The following PHLPP1 variants were observed in gnomAD, a reference collection of about 807,000 sequenced individuals.
PHLPP1 encodes the protein PH domain and leucine rich repeat protein phosphatase 1, also known as PH domain leucine-rich repeat-containing protein phosphatase 1.
PHLPP1 carries 42 observed loss-of-function variants against 117.2 expected under a neutral mutation model. That is an observed-to-expected ratio of 0.36 (90% confidence interval 0.28 to 0.46). PHLPP1 has a LOEUF of 0.46. PHLPP1 is among the 20% of genes least tolerant of loss of function. The probability of loss-of-function intolerance (pLI) is 1.00; values close to 1 mark genes in which losing one functional copy is unlikely to be tolerated. For synonymous variants in PHLPP1, 1,042 were observed against 970.7 expected (o/e 1.07, Z -1.37); for missense variants, 2,084 against 2,241.9 (o/e 0.93, Z 1.42).
At chr18:62,820,603 C>T (rs529936152) in intron 1 of PHLPP1, among the ~76,000 whole-genome samples, 7 of 152,304 alleles carry the variant, frequency 4.6e-5, no homozygotes, top group Admixed American at 6.5e-5. Context: ...CATCCCCCTT[C>T]GCTCAGCACT....
chr18:62,758,838 A>G (rs567577486), intron 1 of PHLPP1, among the ~76,000 whole-genome samples: 1 of 152,344 alleles, frequency 6.6e-6, no homozygotes, highest in South Asian at 2.1e-4. Context: ...ATAATGAACC[A>G]AATGCAAATT....
At chr18:62,864,774 A>G (rs1915730303) in intron 4 of PHLPP1, among the ~76,000 whole-genome samples, 1 of 152,188 alleles carries the variant, frequency 6.6e-6, no homozygotes, top group South Asian at 2.1e-4. Context: ...GGATTTTTAC[A>G]TTACCCATCC....
chr18:62,794,464 T>TCTAGTGA (rs1555672679), intron 1 of PHLPP1, among the ~76,000 whole-genome samples: 1 of 152,062 alleles, frequency 6.6e-6, no homozygotes, highest in African/African-American at 2.4e-5. Flanking sequence ...ATTCCCTGAC[T>TCTAGTGA]CTAGTGATCC....
chr18:62,761,667 TAAAA>T (rs879729374), intron 1 of PHLPP1, among the ~76,000 whole-genome samples: 4 of 133,988 alleles, frequency 3.0e-5, no homozygotes, highest in African/African-American at 8.2e-5. Flanking sequence ...AAATAAAAAA[TAAAA>T]AAAAAAAGAA....
intron 3 of PHLPP1, among the ~76,000 whole-genome samples, chr18:62,844,682 C>G (rs987792816): frequency 6.6e-6 from 1 of 152,168 alleles, no homozygotes; most frequent in African/African-American, 2.4e-5. Flanking sequence ...CTTTTTACAA[C>G]ACCATTATCT....
At position 62,768,395 on chromosome 18, in the gene PHLPP1, T is replaced by A. The variant is rs1281248545; in HGVS notation, c.1576+51136T>A. Among the ~76,000 whole-genome samples the A allele has an allele frequency of 4.6e-5, 7 of 152,194 alleles. No individual in the cohort carries two copies. The East Asian group carries it at 1.3e-3, about 29-fold the overall frequency. ...GCAGGAAGTACAGCATGAACTTTTA[T>A]TGAAAACAGCTCAACAGTGATATCA... On this transcript the variant is annotated intron_variant, in intron 1 of 16. Coordinates refer to ENST00000262719, the MANE Select transcript of PHLPP1 (RefSeq NM_194449.4).
chr18:62,789,533 C>G (rs1372175625), intron 1 of PHLPP1, among the ~76,000 whole-genome samples: 1 of 152,022 alleles, frequency 6.6e-6, no homozygotes, highest in Non-Finnish European at 1.5e-5. Flanking sequence ...ATACCTTGTT[C>G]TCTGCCTCAA....
At chr18:62,816,055 T>G (rs937330168) in intron 1 of PHLPP1, among the ~76,000 whole-genome samples, 2 of 152,234 alleles carry the variant, frequency 1.3e-5, no homozygotes, top group Admixed American at 6.5e-5. Context: ...ACCAGTTTCC[T>G]TTTGTTGAAT....
At chr18:62,860,651 G>T in intron 4 of PHLPP1, 50 bp downstream of exon 4, 1 of 1,428,896 alleles carries the variant, frequency 7.0e-7, no homozygotes, top group Non-Finnish European at 9.7e-7. Context: ...GGGGCAGAAT[G>T]AACTTCTGCT....
intron 10 of PHLPP1, among the ~76,000 whole-genome samples, chr18:62,925,449 T>C (rs1909599928): frequency 6.6e-6 from 1 of 152,146 alleles, no homozygotes; most frequent in Non-Finnish European, 1.5e-5. Flanking sequence ...TTTGTGGTAA[T>C]TGCTCATGTG....
intron 1 of PHLPP1, among the ~76,000 whole-genome samples, chr18:62,730,977 C>G (rs1911209883): frequency 1.3e-5 from 2 of 152,136 alleles, no homozygotes; most frequent in African/African-American, 4.8e-5. Flanking sequence ...ATGGGATCTA[C>G]TGTTGTTGGG....
intron 1 of PHLPP1, among the ~76,000 whole-genome samples, chr18:62,718,406 CAATTT>C (rs1304758945): frequency 6.6e-6 from 1 of 152,156 alleles, no homozygotes. Flanking sequence ...GTCCCAGTGG[CAATTT>C]AATTAGTTTG....
intron 12 of PHLPP1, among the ~76,000 whole-genome samples, chr18:62,957,636 T>G (rs762227763): frequency 3.3e-5 from 5 of 152,168 alleles, no homozygotes; most frequent in African/African-American, 4.8e-5. Flanking sequence ...GTTTTGTTTT[T>G]TTTGAGACAG....
intron 15 of PHLPP1, among the ~76,000 whole-genome samples, chr18:62,974,483 G>A (rs569593319): frequency 1.3e-5 from 2 of 152,228 alleles, no homozygotes; most frequent in South Asian, 4.2e-4. Context: ...CTTGTAAAAC[G>A]GGAGGCTGTT....
intron 12 of PHLPP1, among the ~76,000 whole-genome samples, chr18:62,946,878 C>T (rs940375213): frequency 1.3e-5 from 2 of 151,952 alleles, no homozygotes; most frequent in African/African-American, 4.8e-5. Flanking sequence ...ACGGTGAAAC[C>T]CTGTCTCTAC....
At chr18:62,876,719 G>A (rs1360977704) in intron 4 of PHLPP1, among the ~76,000 whole-genome samples, 2 of 152,172 alleles carry the variant, frequency 1.3e-5, no homozygotes, top group African/African-American at 4.8e-5. Context: ...AATGATTATT[G>A]ATCAACCACA....
chr18:62,904,605 G>A (rs1916801371), intron 7 of PHLPP1, among the ~76,000 whole-genome samples: 1 of 152,204 alleles, frequency 6.6e-6, no homozygotes, highest in Non-Finnish European at 1.5e-5. Flanking sequence ...GAGAGTGCTA[G>A]TACCAAAGGT....
intron 3 of PHLPP1, among the ~76,000 whole-genome samples, chr18:62,845,462 A>G (rs1030298887): frequency 2.0e-5 from 3 of 152,146 alleles, no homozygotes; most frequent in Admixed American, 6.5e-5. Context: ...AGTAAGACAC[A>G]TGGTGAATCA....
At chr18:62,960,755 G>A (rs542205911) in intron 13 of PHLPP1, among the ~76,000 whole-genome samples, 2 of 152,268 alleles carry the variant, frequency 1.3e-5, no homozygotes, top group South Asian at 2.1e-4. Context: ...GTTGTCGTAC[G>A]TATCAAGCTT....
Sources: gnomAD v4.1 joint callset for allele counts (sites outside exome capture counted in the v4.1 genomes callset) on GRCh38, gnomAD v4.1.1 for gene constraint, MANE v1.5 for transcripts, NCBI Gene and HGNC (gene_info 2026-07-23, HGNC 2026-07-21) for gene names.